The following MAGI2 variants were observed in gnomAD, a reference collection of about 807,000 sequenced individuals.
MAGI2 encodes membrane-associated guanylate kinase, WW and PDZ domain-containing protein 2.
MAGI2 carries 35 observed loss-of-function variants against 133.3 expected under a neutral mutation model. That is an observed-to-expected ratio of 0.26 (90% confidence interval 0.20 to 0.35). MAGI2 has a LOEUF of 0.35. MAGI2 is among the 10% of genes least tolerant of loss of function. MAGI2 has a pLI of 1.00. For synonymous variants in MAGI2, 729 were observed against 710.6 expected, an observed-to-expected ratio of 1.03 and a Z score of -0.41; for missense variants, 1,636 against 1,863.4, an observed-to-expected ratio of 0.88 and a Z score of 2.25.
chr7:78,548,119 T>C (rs1033861999), intron 3 of MAGI2, among the ~76,000 whole-genome samples: 1 of 152,186 alleles, frequency 6.6e-6, no homozygotes, highest in African/African-American at 2.4e-5. Flanking sequence ...TGACCAACTA[T>C]CTAGTCAAAA....
At chr7:78,703,833 A>ACACAC (rs1554534804) in intron 2 of MAGI2, among the ~76,000 whole-genome samples, 1 of 31,218 alleles carries the variant, frequency 3.2e-5, no homozygotes, top group African/African-American at 6.3e-5. Flanking sequence ...TACACACACA[A>ACACAC]ACACACACAC....
chr7:79,412,358 C>A (rs1056597089), intron 1 of MAGI2: 2 of 152,094 alleles, frequency 1.3e-5, no homozygotes, highest in African/African-American at 4.8e-5. Context: ...AGCTGGAGAG[C>A]TCCTGTTTTC....
chr7:78,830,396 CATGA>C (rs1791038627), intron 2 of MAGI2, among the ~76,000 whole-genome samples: 2 of 152,120 alleles, frequency 1.3e-5, no homozygotes, highest in African/African-American at 4.8e-5. Context: ...AATTGCCAGT[CATGA>C]TTCATTATGT....
chr7:78,232,919 GTT>G (rs1563299517), intron 10 of MAGI2, among the ~76,000 whole-genome samples: 1 of 152,180 alleles, frequency 6.6e-6, no homozygotes, highest in Non-Finnish European at 1.5e-5. Flanking sequence ...GTTTTTACAT[GTT>G]TTGTTCACTG....
intron 1 of MAGI2, among the ~76,000 whole-genome samples, chr7:79,153,858 T>C (rs1404309141): frequency 1.3e-5 from 2 of 152,208 alleles, no homozygotes; most frequent in African/African-American, 2.4e-5. Context: ...CACTGTGATC[T>C]AGTGTATAAA....
chr7:79,393,817 C>CA (rs1199533570), intron 1 of MAGI2, among the ~76,000 whole-genome samples: 2 of 152,182 alleles, frequency 1.3e-5, no homozygotes, highest in East Asian at 1.9e-4. Context: ...ATTTTAACTG[C>CA]AAAAAACACA....
chr7:78,800,594 T>G (rs550242881), intron 2 of MAGI2, among the ~76,000 whole-genome samples: 2 of 152,214 alleles, frequency 1.3e-5, no homozygotes, highest in South Asian at 4.1e-4. Flanking sequence ...ATAGAACAAT[T>G]TTTGGTCTAT....
intron 1 of MAGI2, chr7:79,410,366 T>C (rs2129170734): frequency 6.6e-6 from 1 of 152,236 alleles, no homozygotes; most frequent in Admixed American, 6.6e-5. Context: ...ATTGAAAAGA[T>C]AAAAGGTAAA....
rs991750485 is a variant in MAGI2 at position 79,075,131 on chromosome 7, G to A, written c.302-67925C>T. Among the ~76,000 whole-genome samples, 13 of 152,084 alleles carry A rather than the reference G, an allele frequency of 8.5e-5. No homozygotes were observed. The East Asian group carries it at 1.2e-3, about 14-fold the overall frequency. ...AGGGGAAAAACAACCTTCTCTTCTC[G>A]ATCTTCTCTCTTTTTATTCAGTAAA... On this transcript the variant is annotated intron_variant, in intron 1 of 21. Coordinates refer to ENST00000354212, the MANE Select transcript of MAGI2 (RefSeq NM_012301.4).
chr7:79,242,795 A>C (rs1832518094), intron 1 of MAGI2, among the ~76,000 whole-genome samples: 1 of 152,208 alleles, frequency 6.6e-6, no homozygotes, highest in African/African-American at 2.4e-5. Context: ...TGCATTTTTC[A>C]ATAACATTTA....
At position 78,501,586 on chromosome 7, in the gene MAGI2, T is replaced by C; in HGVS notation, c.956A>G (p.Tyr319Cys). The C allele has an allele frequency of 6.2e-7, 1 of 1,613,786 alleles. No individual in the cohort carries two copies. ...EMAYTEKGEVYFIDHNTKTTS... is the reference protein window; with the variant it reads ...EMAYTEKGEVCFIDHNTKTTS... The stretch of plus-strand genomic sequence containing the variant: ...AATGTGTGAAACTCACTCAATGAAG[T>C]AGACTTCGCCCTTCTCTGTATAGGC... Residue 319 changes from tyrosine to cysteine, a missense_variant, in exon 5 of 22, where the codon TAC (tyrosine) becomes TGC (cysteine). Tyr to Cys is a radical substitution (Grantham distance 194). Around this residue, in one of 5 missense-constraint regions of MAGI2, gnomAD observed 920 missense variants for 1,093.5 expected, o/e 0.84. Transcript: ENST00000354212.
At chr7:79,181,838 T>A (rs2129550378) in intron 1 of MAGI2, among the ~76,000 whole-genome samples, 1 of 152,138 alleles carries the variant, frequency 6.6e-6, no homozygotes, top group East Asian at 1.9e-4. Context: ...CTGCCAGATA[T>A]CCTAAATCAT....
chr7:78,075,670 C>T (rs1165405241), intron 21 of MAGI2, among the ~76,000 whole-genome samples: 2 of 152,200 alleles, frequency 1.3e-5, no homozygotes, highest in Non-Finnish European at 2.9e-5. Flanking sequence ...GCCACCACAC[C>T]TGCTGATGTA....
At chr7:78,893,314 T>A (rs1164813110) in intron 2 of MAGI2, among the ~76,000 whole-genome samples, 1 of 152,194 alleles carries the variant, frequency 6.6e-6, no homozygotes, top group African/African-American at 2.4e-5. Context: ...TTGTGGAAGT[T>A]GGTGTGGGAA....
intron 1 of MAGI2, among the ~76,000 whole-genome samples, chr7:79,200,346 T>C (rs1003216233): frequency 6.6e-6 from 1 of 151,748 alleles, no homozygotes; most frequent in Non-Finnish European, 1.5e-5. Context: ...CTGATATCTG[T>C]AACCCCAGCA....
chr7:78,669,071 C>T (rs112062745), intron 2 of MAGI2, among the ~76,000 whole-genome samples: 2,177 of 151,658 alleles, frequency 0.014, 63 homozygotes, highest in African/African-American at 0.05. Flanking sequence ...AACTAAGATC[C>T]GAGCAGAACT....
At chr7:78,580,986 T>A (rs1802777892) in intron 3 of MAGI2, among the ~76,000 whole-genome samples, 2 of 152,180 alleles carry the variant, frequency 1.3e-5, no homozygotes, top group African/African-American at 4.8e-5. Context: ...GCCATATAAA[T>A]AATTTAGTTC....
At chr7:78,403,322 C>A (rs1036545146) in intron 6 of MAGI2, among the ~76,000 whole-genome samples, 2 of 152,186 alleles carry the variant, frequency 1.3e-5, no homozygotes, top group Admixed American at 1.3e-4. Flanking sequence ...CCTACAAAGA[C>A]ATGAACTCAT....
At chr7:78,318,445 C>A (rs193267093) in intron 9 of MAGI2, among the ~76,000 whole-genome samples, 3 of 151,406 alleles carry the variant, frequency 2.0e-5, no homozygotes, top group African/African-American at 7.3e-5. Flanking sequence ...AAAGGAACAA[C>A]GATTCCAAGA....
Sources: gnomAD v4.1 joint callset for allele counts (sites outside exome capture counted in the v4.1 genomes callset) on GRCh38, gnomAD v4.1.1 for gene constraint, gnomAD v4.1.1 regional missense constraint, MANE v1.5 for transcripts, NCBI Gene and HGNC (gene_info 2026-07-23, HGNC 2026-07-21) for gene names.